MAPKAPK3: variants seen among roughly 807,000 people sequenced by gnomAD.
MAPKAPK3 encodes MAP kinase-activated protein kinase 3.
Under a neutral mutation model 49.2 loss-of-function variants are expected in MAPKAPK3, and 35 were observed. The observed-to-expected ratio is 0.71, with a 90% CI of 0.54 to 0.94. MAPKAPK3 has a LOEUF of 0.94. Ranked by LOEUF, MAPKAPK3 falls within the 40% of genes least tolerant of loss-of-function variation. The pLI is 0.00. For missense variants in MAPKAPK3, 398 were observed against 493.1 expected (o/e 0.81, Z 1.83); for synonymous variants, 178 against 188.7 (o/e 0.94, Z 0.46).
upstream of MAPKAPK3, chr3:50,611,549 A>G: frequency 6.6e-7 from 1 of 1,521,156 alleles, no homozygotes; most frequent in East Asian, 2.7e-5. Context: ...AGCCCTCCCA[A>G]TGCCCGGCAG....
upstream of MAPKAPK3, among the ~76,000 whole-genome samples, chr3:50,614,869 C>T (rs2032425330): frequency 6.6e-6 from 1 of 152,164 alleles, no homozygotes; most frequent in South Asian, 2.1e-4. Context: ...GGAGAAGCAG[C>T]ACCTTTGCCT....
chr3:50,644,231 C>T (rs1310227202), intron 5 of MAPKAPK3, among the ~76,000 whole-genome samples, 178 bp from the exon 6 acceptor site: 1 of 152,222 alleles, frequency 6.6e-6, no homozygotes, highest in African/African-American at 2.4e-5. Flanking sequence ...ATGAAGGTAG[C>T]ACCTTGGGTT....
At chr3:50,639,434 T>C (rs546123325) in intron 2 of MAPKAPK3, among the ~76,000 whole-genome samples, 11 of 152,260 alleles carry the variant, frequency 7.2e-5, no homozygotes, top group Admixed American at 5.9e-4. Flanking sequence ...CCCACCTCTC[T>C]CACAGTGCGA....
At position 50,648,013 on chromosome 3, in the gene MAPKAPK3, C is replaced by T; in HGVS notation, c.1116C>T (p.Ser372=). The T allele has an allele frequency of 6.2e-7, 1 of 1,613,754 alleles. No homozygotes were observed. Among genetic ancestry groups the T allele is most frequent in the Non-Finnish European group, 8.5e-7 (1 of 1,179,968 alleles). ...LNKRRKKQAG[S]SSASQGCNNQ ...AGAGGAGAAAAAAGCAGGCAGGCAG[C>T]TCCTCTGCCTCACAGGGCTGCAACA... Residue 372 remains serine (S), a synonymous_variant, in exon 11 of 11, where the codon AGC becomes AGT. Transcript: ENST00000621469.
chr3:50,632,875 C>T (rs2032946427), intron 2 of MAPKAPK3, among the ~76,000 whole-genome samples: 1 of 152,184 alleles, frequency 6.6e-6, no homozygotes, highest in Non-Finnish European at 1.5e-5. Flanking sequence ...TTGAGAAGAG[C>T]CCAGCACTGG....
At chr3:50,614,500 A>T (rs920873534), upstream of MAPKAPK3, among the ~76,000 whole-genome samples, 5 of 138,856 alleles carry the variant, frequency 3.6e-5, no homozygotes, top group African/African-American at 8.3e-5. Flanking sequence ...GTAAGGACAG[A>T]GTGTGTGTGT....
At chr3:50,624,036 T>C (rs1251060229) in intron 2 of MAPKAPK3, among the ~76,000 whole-genome samples, 2 of 152,176 alleles carry the variant, frequency 1.3e-5, no homozygotes, top group African/African-American at 4.8e-5. Context: ...CTCAGAAAGG[T>C]CGTGTGCCTT....
upstream of MAPKAPK3, chr3:50,613,845 G>GAGC (rs2032398794): frequency 6.6e-6 from 1 of 152,094 alleles, no homozygotes. Context: ...CTCCCAGCTG[G>GAGC]CAAGTAATGG....
chr3:50,648,328 G>A lies in MAPKAPK3; in HGVS notation c.*282G>A. On this transcript the variant is annotated 3_prime_UTR_variant, in exon 11 of 11. Coordinates refer to ENST00000621469, the MANE Select transcript of MAPKAPK3 (RefSeq NM_001243925.2). ...CTAGGTTGGCCCGAGTGAGGCCTCTGTGCTGTCCTGCCCTGGTGCATGGCC... is the reference window on the plus strand; with the variant it reads ...CTAGGTTGGCCCGAGTGAGGCCTCTATGCTGTCCTGCCCTGGTGCATGGCC... 1 of 371,420 alleles carries A rather than the reference G, an allele frequency of 2.7e-6. No individual in the cohort carries two copies. Among genetic ancestry groups the A allele is most frequent in the South Asian group, 3.4e-5 (1 of 29,678 alleles). 23.0% of individuals were successfully genotyped at this position (371,420 alleles called of 1,614,324 possible).
intron 2 of MAPKAPK3, among the ~76,000 whole-genome samples, chr3:50,626,786 G>T (rs1459230883): frequency 6.6e-6 from 1 of 152,140 alleles, no homozygotes; most frequent in African/African-American, 2.4e-5. Context: ...ACTCACCCAG[G>T]GTCACGTAGT....
upstream of MAPKAPK3, chr3:50,612,812 C>CGGGGGCAGT (rs1440540635): frequency 6.6e-6 from 1 of 151,938 alleles, no homozygotes; most frequent in East Asian, 1.9e-4. Flanking sequence ...GGCGGGATGG[C>CGGGGGCAGT]GGGGGCAGAG....
At chr3:50,644,670 G>T (rs1328521412) in intron 6 of MAPKAPK3, 138 bp downstream of exon 6, 1 of 852,492 alleles carries the variant, frequency 1.2e-6, no homozygotes, top group Non-Finnish European at 1.8e-6. Flanking sequence ...GCATGGAGGC[G>T]GGTGACGTGG....
At position 50,645,695 on chromosome 3, in the gene MAPKAPK3, C is replaced by T; in HGVS notation, c.629-15C>T. On this transcript the variant is annotated splice_polypyrimidine_tract_variant and intron_variant, in intron 6 of 10. Coordinates refer to ENST00000621469, the MANE Select transcript of MAPKAPK3 (RefSeq NM_001243925.2). ...CCTTGGGTCTGAGAGCCCTGCTGTC[C>T]CTCTGCCCTGGCAGCCCCTGAGGTC... The T allele has an allele frequency of 6.2e-7, 1 of 1,612,076 alleles. No homozygotes were observed. Among genetic ancestry groups the T allele is most frequent in the Admixed American group, 1.7e-5 (1 of 60,000 alleles).
At chr3:50,614,474 C>G (rs1328079350), upstream of MAPKAPK3, among the ~76,000 whole-genome samples, 1 of 151,110 alleles carries the variant, frequency 6.6e-6, no homozygotes, top group Non-Finnish European at 1.5e-5. Context: ...TCACCATGTA[C>G]AGCCTCCCCT....
At chr3:50,635,934 A>C (rs1219894879) in intron 2 of MAPKAPK3, among the ~76,000 whole-genome samples, 30 of 129,066 alleles carry the variant, frequency 2.3e-4, no homozygotes, top group African/African-American at 7.2e-4. Flanking sequence ...AAAAAAAAAA[A>C]AAAAAAAAAA....
intron 2 of MAPKAPK3, among the ~76,000 whole-genome samples, chr3:50,620,381 G>T (rs2032581040): frequency 6.6e-6 from 1 of 152,152 alleles, no homozygotes; most frequent in Non-Finnish European, 1.5e-5. Context: ...GTGTCTTTCT[G>T]CCTCCCTGGT....
intron 2 of MAPKAPK3, among the ~76,000 whole-genome samples, chr3:50,624,118 C>T (rs1019471599): frequency 1.3e-5 from 2 of 152,244 alleles, no homozygotes; most frequent in African/African-American, 2.4e-5. Flanking sequence ...GGAAATCAGA[C>T]TGGTGAGTGG....
intron 2 of MAPKAPK3, among the ~76,000 whole-genome samples, chr3:50,622,059 G>T (rs1368394184): frequency 1.3e-5 from 2 of 152,230 alleles, no homozygotes; most frequent in African/African-American, 4.8e-5. Context: ...ATCTGGGGAG[G>T]TTGCTGGGGC....
At chr3:50,644,560 T>C (rs778641232) in intron 6 of MAPKAPK3, 28 bp downstream of exon 6, 1 of 1,612,676 alleles carries the variant, frequency 6.2e-7, no homozygotes, top group Non-Finnish European at 8.5e-7. Context: ...GAGTTGTAAC[T>C]CCTCACCCCA....
Sources: allele counts gnomAD v4.1 joint callset (sites outside exome capture counted in the v4.1 genomes callset), GRCh38; gene constraint gnomAD v4.1.1; transcripts MANE v1.5; gene names NCBI Gene and HGNC (gene_info 2026-07-23, HGNC 2026-07-21).